The following MYO1E variants were observed in gnomAD, a reference collection of about 807,000 sequenced individuals.
The protein encoded by MYO1E is myosin IE, also known as unconventional myosin-Ie.
A neutral mutation model predicts 151.1 loss-of-function variants in MYO1E; 68 were observed. The ratio of observed to expected loss-of-function variants is 0.45; its 90% CI spans 0.37 to 0.55. The LOEUF is 0.55. Ranked by LOEUF, MYO1E falls within the 20% of genes least tolerant of loss-of-function variation. MYO1E has a pLI of 0.00. For synonymous variants in MYO1E, 601 were observed against 501.7 expected, an observed-to-expected ratio of 1.20 and a Z score of -2.64; for missense variants, 1,363 against 1,389.3, an observed-to-expected ratio of 0.98 and a Z score of 0.30.
chr15:59,157,504 A>G (rs1306825039), intron 25 of MYO1E, among the ~76,000 whole-genome samples: 1 of 152,148 alleles, frequency 6.6e-6, no homozygotes, highest in African/African-American at 2.4e-5. Flanking sequence ...ACAATTCCTA[A>G]GGCTTAGGTT....
At chr15:59,289,697 A>ATCT (rs1325006151) in intron 1 of MYO1E, among the ~76,000 whole-genome samples, 2 of 152,180 alleles carry the variant, frequency 1.3e-5, no homozygotes, top group Non-Finnish European at 2.9e-5. Context: ...GAAAGCTGTC[A>ATCT]TCTAGTTAGA....
chr15:59,248,826 A>T (rs1187676955), intron 4 of MYO1E, among the ~76,000 whole-genome samples: 1 of 152,196 alleles, frequency 6.6e-6, no homozygotes, highest in Non-Finnish European at 1.5e-5. Context: ...TGATTTAGCA[A>T]ATACGATCAT....
intron 1 of MYO1E, among the ~76,000 whole-genome samples, chr15:59,357,565 C>G (rs146325864): frequency 6.7e-6 from 1 of 150,148 alleles, no homozygotes; most frequent in East Asian, 2.0e-4. Context: ...GCTAGGATTA[C>G]AGGTGCCTAC....
At chr15:59,259,002 G>A (rs2140372436) in intron 3 of MYO1E, among the ~76,000 whole-genome samples, 1 of 148,550 alleles carries the variant, frequency 6.7e-6, no homozygotes, top group South Asian at 2.1e-4. Flanking sequence ...TCACCATGTT[G>A]CCCAGGCTGG....
At chr15:59,207,261 G>C (rs1410224840) in intron 14 of MYO1E, 8 of 1,614,110 alleles carry the variant, frequency 5.0e-6, no homozygotes, top group Non-Finnish European at 6.8e-6. Context: ...AAGACAAACT[G>C]AAGGGTGAGA....
chr15:59,202,270 T>C, intron 16 of MYO1E, 56 bp downstream of exon 16: 1 of 1,504,112 alleles, frequency 6.6e-7, no homozygotes, highest in Non-Finnish European at 9.3e-7. Context: ...AGTTCCTTAC[T>C]CCTAGAAAGC....
At chr15:59,184,085 T>C (rs2079681078) in intron 18 of MYO1E, among the ~76,000 whole-genome samples, 2 of 152,220 alleles carry the variant, frequency 1.3e-5, no homozygotes, top group Non-Finnish European at 2.9e-5. Flanking sequence ...CTCGGCTCAC[T>C]GCAACCTCTG....
intron 16 of MYO1E, among the ~76,000 whole-genome samples, chr15:59,201,401 AT>A (rs35807865): frequency 0.77 from 87,447 of 113,132 alleles, 35,139 homozygotes; most frequent in South Asian, 0.93. Context: ...GCTGACACAG[AT>A]TTTTTTTTTT....
chr15:59,241,698 C>T (rs1268386991), intron 4 of MYO1E, among the ~76,000 whole-genome samples: 2 of 151,592 alleles, frequency 1.3e-5, no homozygotes, highest in African/African-American at 4.8e-5. Flanking sequence ...AGCAAGACTC[C>T]ATCTCAAAAA....
At chr15:59,346,399 T>C (rs2080794426) in intron 1 of MYO1E, among the ~76,000 whole-genome samples, 1 of 152,172 alleles carries the variant, frequency 6.6e-6, no homozygotes, top group African/African-American at 2.4e-5. Context: ...GAGGAGAACC[T>C]GTTTTGTCTC....
Position 59,261,454 on chromosome 15 carries a change from A to T in MYO1E, c.203T>A (p.Phe68Tyr), listed in dbSNP as rs767634760. 10 of 1,611,634 alleles carry T rather than the reference A, an allele frequency of 6.2e-6. No homozygotes were observed. In the South Asian group the frequency reaches 9.9e-5, roughly 16 times the overall value. Reference protein sequence around the residue: ...SVNPFKQMPYFGEKEIEMYQG... With the variant: ...SVNPFKQMPYYGEKEIEMYQG... Reference sequence around the variant, plus strand: ...GTACATTTCAATTTCCTTTTCCCCAAAATATGGCATCTGCTTGAAAGGGTT... The same window carrying T: ...GTACATTTCAATTTCCTTTTCCCCATAATATGGCATCTGCTTGAAAGGGTT... The change falls in exon 3 of 28, where the codon TTT becomes TAT. Residue 68 changes from phenylalanine to tyrosine, a missense_variant. By Grantham distance (22) the Phe-to-Tyr change is conservative (BLOSUM62 3). Transcript: ENST00000288235.
chr15:59,255,837 C>T (rs1421313751), intron 4 of MYO1E, among the ~76,000 whole-genome samples: 3 of 152,208 alleles, frequency 2.0e-5, no homozygotes, highest in Admixed American at 6.5e-5. Context: ...TGACTTAAAC[C>T]CAGCCAGGAT....
In MYO1E at chr15:59,205,875, G is replaced by C. The variant is rs74509977; in HGVS notation, c.1531-390C>G. ...AAATTTTAGCTAAGCCAGAGCAAAAGTGAAGCCCCTCATGCTCAGTAATTC... is the reference window on the plus strand; with the variant it reads ...AAATTTTAGCTAAGCCAGAGCAAAACTGAAGCCCCTCATGCTCAGTAATTC... On this transcript the variant is annotated intron_variant, in intron 14 of 27. Transcript: ENST00000288235. 1.6e-3 allele frequency among the ~76,000 whole-genome samples: 244 copies of C among 152,318 alleles called. 1 individual carries two copies. Among genetic ancestry groups the C allele is most frequent in the African/African-American group, 5.5e-3 (228 of 41,574 alleles).
chr15:59,219,015 C>T (rs1283479293), intron 9 of MYO1E, among the ~76,000 whole-genome samples: 1 of 151,986 alleles, frequency 6.6e-6, no homozygotes, highest in African/African-American at 2.4e-5. Flanking sequence ...CAAAAGGGGG[C>T]CTGATGGCTA....
intron 5 of MYO1E, among the ~76,000 whole-genome samples, chr15:59,233,901 A>AC (rs1406268908): frequency 6.6e-6 from 1 of 151,132 alleles, no homozygotes; most frequent in Non-Finnish European, 1.5e-5. Flanking sequence ...AAAAAAAAAA[A>AC]ATCTCATTAA....
intron 1 of MYO1E, among the ~76,000 whole-genome samples, chr15:59,343,542 TG>T (rs2080777389): frequency 6.6e-6 from 1 of 152,202 alleles, no homozygotes; most frequent in South Asian, 2.1e-4. Flanking sequence ...ACTTAAACTT[TG>T]ATATCTTTTG....
chr15:59,309,359 A>G (rs1209819375), intron 1 of MYO1E, among the ~76,000 whole-genome samples: 9 of 152,246 alleles, frequency 5.9e-5, no homozygotes, highest in African/African-American at 2.2e-4. Context: ...AAAAGCAACT[A>G]AAACAACAAC....
chr15:59,205,201 G>A (rs1272343958), intron 15 of MYO1E, among the ~76,000 whole-genome samples, 199 bp downstream of exon 15: 1 of 152,078 alleles, frequency 6.6e-6, no homozygotes, highest in Admixed American at 6.6e-5. Flanking sequence ...TGCCTGGCTG[G>A]AGGGCAGTGG....
At chr15:59,341,100 G>T (rs1181011968) in intron 1 of MYO1E, among the ~76,000 whole-genome samples, 3 of 151,770 alleles carry the variant, frequency 2.0e-5, no homozygotes, top group African/African-American at 7.3e-5. Context: ...TAATTTTTGG[G>T]CATATATAAG....
Sources: gnomAD v4.1 joint callset for allele counts (sites outside exome capture counted in the v4.1 genomes callset) on GRCh38, gnomAD v4.1.1 for gene constraint, MANE v1.5 for transcripts, NCBI Gene and HGNC (gene_info 2026-07-23, HGNC 2026-07-21) for gene names.